MAPK8IP1: variants seen among roughly 807,000 people sequenced by gnomAD.
MAPK8IP1 encodes mitogen-activated protein kinase 8 interacting protein 1.
Under a neutral mutation model 72.6 loss-of-function variants are expected in MAPK8IP1, and 17 were observed. The observed-to-expected ratio is 0.23, with a 90% CI of 0.16 to 0.35. The LOEUF is 0.35. MAPK8IP1 is among the 10% of genes least tolerant of loss of function. The pLI, the probability that MAPK8IP1 is intolerant of heterozygous loss-of-function variation, is 1.00. For synonymous variants in MAPK8IP1, 401 were observed against 443.4 expected (o/e 0.90, Z 1.20); for missense variants, 789 against 1,009.7 (o/e 0.78, Z 2.96).
chr11:45,905,377 C>T, intron 11 of MAPK8IP1, 128 bp downstream of exon 11: 2 of 941,778 alleles, frequency 2.1e-6, no homozygotes, highest in African/African-American at 1.6e-5. Flanking sequence ...ATCTCCGGAC[C>T]CCAGTGCGGG....
rs764613316 is a variant in MAPK8IP1, at chr11:45,903,331, G to A, written c.1418-34G>A. The A allele has an allele frequency of 5.7e-5, 91 of 1,607,674 alleles. No individual in the cohort carries two copies. In the East Asian group the frequency reaches 5.8e-4, roughly 10 times the overall value. Reference sequence around the variant, plus strand: ...CCCGCTAAACCTGGATCAGAGCTGCGACCCCCCATCCAGCCACACCACCTC... The same window carrying A: ...CCCGCTAAACCTGGATCAGAGCTGCAACCCCCCATCCAGCCACACCACCTC... On this transcript the variant is annotated intron_variant, in intron 5 of 11. Coordinates refer to ENST00000241014, the MANE Select transcript of MAPK8IP1 (RefSeq NM_005456.4). This position sits in a 1 kb window ranked among gnomAD's most constrained non-coding sequence, Gnocchi z 6.4.
Position 45,904,185 on chromosome 11 carries a change from GC to G in MAPK8IP1, c.1666+29del. The stretch of plus-strand genomic sequence containing the variant: ...AGGTAGTGTTCCCTCCCTGGCCTGT[GC>G]CCCCAGCCACCACATCTGTCTGCCC... On this transcript the variant is annotated intron_variant, in intron 7 of 11. Coordinates refer to ENST00000241014, the MANE Select transcript of MAPK8IP1 (RefSeq NM_005456.4). This position sits in a 1 kb window ranked among gnomAD's most constrained non-coding sequence, Gnocchi z 6.4. 6.2e-7 allele frequency: 1 copy of G among 1,607,280 alleles called. No homozygotes were observed.
Position 45,903,452 on chromosome 11 carries a change from G to A in MAPK8IP1, c.1493+12G>A. The A allele has an allele frequency of 6.2e-7, 1 of 1,606,876 alleles. No individual in the cohort carries two copies. The highest frequency in any genetic ancestry group is 8.5e-7 in the Non-Finnish European group (1 of 1,177,922). On this transcript the variant is annotated intron_variant, in intron 6 of 11. Transcript: ENST00000241014. This position sits in a 1 kb window ranked among gnomAD's most constrained non-coding sequence, Gnocchi z 6.4. ...CGGGCCATATTCAGGTGAGAGCCATGGGCTGGCTGGGCCTAGCCAGGCAGC... is the reference window on the plus strand; with the variant it reads ...CGGGCCATATTCAGGTGAGAGCCATAGGCTGGCTGGGCCTAGCCAGGCAGC...
In MAPK8IP1 at chr11:45,888,140, G is replaced by A. The variant is rs546418087; in HGVS notation, c.101+2219G>A. 3.9e-4 allele frequency among the ~76,000 whole-genome samples: 59 copies of A among 152,302 alleles called. No individual in the cohort carries two copies. The Middle Eastern group carries it at 0.02, about 53-fold the overall frequency. On this transcript the variant is annotated intron_variant, in intron 1 of 11. Transcript: ENST00000241014. Reference sequence around the variant, plus strand: ...AGTGTTTCAAGGGCTGAGGAGAGCCGCCTGTAGGCAGGGCTGTGTGTGTGC... The same window carrying A: ...AGTGTTTCAAGGGCTGAGGAGAGCCACCTGTAGGCAGGGCTGTGTGTGTGC...
intron 1 of MAPK8IP1, chr11:45,897,075 T>A: frequency 2.1e-6 from 2 of 962,778 alleles, no homozygotes; most frequent in Non-Finnish European, 3.2e-6. Flanking sequence ...CCCTGGGGGC[T>A]AAGCCACCAT....
At chr11:45,899,324 C>A (rs2086631599) in intron 2 of MAPK8IP1, among the ~76,000 whole-genome samples, 1 of 152,228 alleles carries the variant, frequency 6.6e-6, no homozygotes, top group African/African-American at 2.4e-5. Flanking sequence ...GGCAGGGGCC[C>A]CAGGCACTAC....
At position 45,902,218 on chromosome 11, in the gene MAPK8IP1, G is replaced by A. The variant is rs942927575; in HGVS notation, c.605-154G>A. 2.0e-5 allele frequency among the ~76,000 whole-genome samples: 3 copies of A among 152,180 alleles called. No homozygotes were observed. The highest frequency in any genetic ancestry group is 7.2e-5 in the African/African-American group (3 of 41,436). ...CATCCAGGGGCTGAGATCAGTGGTG[G>A]CATGAGTGAGTTGACTGGCCCCAGA... On this transcript the variant is annotated intron_variant, in intron 4 of 11. Coordinates refer to ENST00000241014, the MANE Select transcript of MAPK8IP1 (RefSeq NM_005456.4). This position sits in a 1 kb window ranked among gnomAD's most constrained non-coding sequence, Gnocchi z 9.3.
chr11:45,887,380 G>A (rs922927818), intron 1 of MAPK8IP1, among the ~76,000 whole-genome samples: 1 of 152,150 alleles, frequency 6.6e-6, no homozygotes, highest in Non-Finnish European at 1.5e-5. Flanking sequence ...ACTACGGCTC[G>A]CTGCTGTCCA....
rs184822179 is a variant in MAPK8IP1 at position 45,906,007 on chromosome 11, G to A, written c.*286G>A. 6,410 of 557,948 alleles carry A rather than the reference G, an allele frequency of 0.011. 60 individuals carry two copies. The highest frequency in any genetic ancestry group is 0.016 in the Non-Finnish European group (4,812 of 309,438). The allele number at this position is 557,948 out of a possible 1,614,324, so 34.6% of individuals were successfully genotyped here. A position where few individuals can be genotyped will look rare whatever the true frequency, so the allele number is the denominator to read the frequency against. Reference sequence around the variant, plus strand: ...AGGTCTCTGGCAGAGAAGGATGTCCGTTCCAGGAGCACACGGCCCTGCCCC... The same window carrying A: ...AGGTCTCTGGCAGAGAAGGATGTCCATTCCAGGAGCACACGGCCCTGCCCC... On this transcript the variant is annotated 3_prime_UTR_variant, in exon 12 of 12. Coordinates refer to ENST00000241014, the MANE Select transcript of MAPK8IP1 (RefSeq NM_005456.4).
At chr11:45,897,978 G>A (rs775906435) in intron 1 of MAPK8IP1, 107 bp from the exon 2 acceptor site, 65 of 715,118 alleles carry the variant, frequency 9.1e-5, no homozygotes, top group Non-Finnish European at 1.5e-4. Flanking sequence ...CTGTCCTCTG[G>A]GGGCTGTGTT....
In MAPK8IP1 at chr11:45,902,182, C is replaced by T; in HGVS notation, c.604+121C>T. On this transcript the variant is annotated intron_variant, in intron 4 of 11. Transcript: ENST00000241014. This position sits in a 1 kb window ranked among gnomAD's most constrained non-coding sequence, Gnocchi z 9.3. ...AGAGGTGAACTGCCCACCCACATCC[C>T]TGCACGAGCCCATCCAGGGGCTGAG... The T allele has an allele frequency of 9.6e-7, 1 of 1,039,428 alleles. No homozygotes were observed. The highest frequency in any genetic ancestry group is 1.5e-6 in the Non-Finnish European group (1 of 658,606). The allele number at this position is 1,039,428 out of a possible 1,614,324, so 64.4% of individuals were successfully genotyped here.
Position 45,902,868 on chromosome 11 carries a change from G to C in MAPK8IP1, c.1101G>C (p.Leu367=). 1 of 1,594,968 alleles carries C rather than the reference G, an allele frequency of 6.3e-7. No individual in the cohort carries two copies. The highest frequency in any genetic ancestry group is 8.5e-7 in the Non-Finnish European group (1 of 1,171,212). ...CGCCGCCACCTCCACGGGCCTCTCTGAGCTCGGACACCAGCGCCCTGTCCT... is the reference window on the plus strand; with the variant it reads ...CGCCGCCACCTCCACGGGCCTCTCTCAGCTCGGACACCAGCGCCCTGTCCT... The part of the protein sequence containing the change: ...GEPPPPPRAS[L]SSDTSALSYD... The change falls in exon 5 of 12, where the codon CTG becomes CTC. Residue 367 remains leucine, a synonymous_variant. Transcript: ENST00000241014. The surrounding 1 kb of genome is among the most constrained non-coding windows in gnomAD (Gnocchi z 9.3).
chr11:45,900,925 C>T lies in MAPK8IP1; in HGVS notation c.522+473C>T, dbSNP rs2086648325. ...GTGGGGATGGGAAGCTCAGGGGCCA[C>T]AGCCAGTTTAAGATCTGGGCAGCTG... On this transcript the variant is annotated intron_variant, in intron 3 of 11. Coordinates refer to ENST00000241014, the MANE Select transcript of MAPK8IP1 (RefSeq NM_005456.4). This position sits in a 1 kb window ranked among gnomAD's most constrained non-coding sequence, Gnocchi z 6.5. Among the ~76,000 whole-genome samples, 1 of 152,008 alleles carries T rather than the reference C, an allele frequency of 6.6e-6. No homozygotes were observed. Among genetic ancestry groups the T allele is most frequent in the Admixed American group, 6.5e-5 (1 of 15,270 alleles).
intron 2 of MAPK8IP1, 23 bp downstream of exon 2, chr11:45,898,213 T>G (rs758544318): frequency 7.7e-6 from 12 of 1,558,696 alleles, no homozygotes; most frequent in Non-Finnish European, 1.1e-5. Flanking sequence ...TCCCAGGAGC[T>G]CCTGAGTGGG....
At chr11:45,896,962 C>G (rs776273022) in intron 1 of MAPK8IP1, 64 of 1,563,094 alleles carry the variant, frequency 4.1e-5, no homozygotes, top group South Asian at 1.3e-4. Flanking sequence ...TAGGGGCTAC[C>G]GGGGCTGGCG....
intron 1 of MAPK8IP1, among the ~76,000 whole-genome samples, chr11:45,894,225 G>C (rs2086586802): frequency 6.6e-6 from 1 of 152,200 alleles, no homozygotes; most frequent in African/African-American, 2.4e-5. Context: ...TGAGGATTAA[G>C]AGAGATGCAT....
chr11:45,906,176 TCAGGCTGAGCCCAGC>T lies in MAPK8IP1; in HGVS notation c.*458_*472del, dbSNP rs2086708015. 1 of 290,962 alleles carries T rather than the reference TCAGGCTGAGCCCAGC, an allele frequency of 3.4e-6. No homozygotes were observed. The highest frequency in any genetic ancestry group is 2.2e-5 in the African/African-American group (1 of 45,782). 18.0% of individuals were successfully genotyped at this position (290,962 alleles called of 1,614,324 possible). On this transcript the variant is annotated 3_prime_UTR_variant, in exon 12 of 12. Coordinates refer to ENST00000241014, the MANE Select transcript of MAPK8IP1 (RefSeq NM_005456.4). ...CAACCCCCACCGAAGAGCCCTGAGC[TCAGGCTGAGCCCAGC>T]CACCTCCCAAGGACTTTCCAGTGAG...
In MAPK8IP1 at chr11:45,902,658, C is replaced by A; in HGVS notation, c.891C>A (p.Ser297=). Reference sequence around the variant, plus strand: ...CCCCAGACGCTGCAGAGCCCACCTCCGCCTTCCTGCCGCCCACTGAGAGCC... The same window carrying A: ...CCCCAGACGCTGCAGAGCCCACCTCAGCCTTCCTGCCGCCCACTGAGAGCC... ...QRPPDAAEPT[S]AFLPPTESRM... is the part of the protein sequence containing the mutation. The change falls in exon 5 of 12, where the codon TCC becomes TCA. Residue 297 remains serine, a synonymous_variant. Transcript: ENST00000241014. This position sits in a 1 kb window ranked among gnomAD's most constrained non-coding sequence, Gnocchi z 9.3. The A allele has an allele frequency of 6.2e-7, 1 of 1,612,668 alleles. No homozygotes were observed.
intron 1 of MAPK8IP1, among the ~76,000 whole-genome samples, chr11:45,889,876 T>C (rs1177900698): frequency 6.6e-6 from 1 of 151,850 alleles, no homozygotes; most frequent in East Asian, 1.9e-4. Flanking sequence ...GTTTGCACTT[T>C]GCCTAGGTCA....
Sources: gnomAD v4.1 joint callset for allele counts (sites outside exome capture counted in the v4.1 genomes callset) on GRCh38, gnomAD v4.1.1 for gene constraint, Gnocchi (gnomAD v3.1) non-coding constraint, MANE v1.5 for transcripts, NCBI Gene and HGNC (gene_info 2026-07-23, HGNC 2026-07-21) for gene names.